Variants in LRTM1 observed in about 807,000 individuals in gnomAD.
LRTM1 encodes the protein leucine-rich repeat and transmembrane domain-containing protein 1.
LRTM1 carries 38 observed loss-of-function variants against 32.4 expected under a neutral mutation model. That is an observed-to-expected ratio of 1.17 (90% CI 0.91 to 1.54). The LOEUF (loss-of-function observed/expected upper bound fraction) is 1.54. Among genes scored for constraint, LRTM1 ranks in the 40% most tolerant of loss-of-function variants. The pLI, the probability that LRTM1 is intolerant of heterozygous loss-of-function variation, is 0.00. For missense variants in LRTM1, 466 were observed against 415.4 expected, an observed-to-expected ratio of 1.12 and a Z score of -1.06; for synonymous variants, 186 against 169.9, an observed-to-expected ratio of 1.09 and a Z score of -0.74.
At chr3:54,961,681 A>T (rs983440891) in intron 1 of LRTM1, among the ~76,000 whole-genome samples, 1 of 152,146 alleles carries the variant, frequency 6.6e-6, no homozygotes, top group Non-Finnish European at 1.5e-5. Flanking sequence ...CAGGAAGCTG[A>T]TGGCACCAGT....
chr3:54,945,035 A>G (rs1420585699), intron 1 of LRTM1, among the ~76,000 whole-genome samples: 1 of 152,162 alleles, frequency 6.6e-6, no homozygotes, highest in African/African-American at 2.4e-5. Flanking sequence ...AAACTGGAGA[A>G]TGGGGAAGAT....
intron 1 of LRTM1, among the ~76,000 whole-genome samples, chr3:54,961,631 A>C (rs1702031451): frequency 6.6e-6 from 1 of 152,148 alleles, no homozygotes; most frequent in Admixed American, 6.5e-5. Context: ...TAGCCAGGTC[A>C]TTGAGAAGTT....
chr3:54,959,962 A>T (rs1701991494), intron 1 of LRTM1, among the ~76,000 whole-genome samples: 2 of 151,932 alleles, frequency 1.3e-5, no homozygotes, highest in African/African-American at 4.8e-5. Flanking sequence ...AACCCTGCTA[A>T]TTCTTTTCAA....
chr3:54,955,313 C>G (rs1246337461), intron 1 of LRTM1, among the ~76,000 whole-genome samples: 1 of 152,102 alleles, frequency 6.6e-6, no homozygotes, highest in African/African-American at 2.4e-5. Context: ...CAGGTAATCT[C>G]TTGAAGCTAC....
chr3:54,957,448 C>T (rs1021274091), intron 1 of LRTM1, among the ~76,000 whole-genome samples: 1,856 of 152,288 alleles, frequency 0.012, 35 homozygotes, highest in African/African-American at 0.042. Context: ...CACACCCAAC[C>T]ATAAAATAAT....
At chr3:54,922,065 C>T (rs1485215394) in intron 2 of LRTM1, among the ~76,000 whole-genome samples, 2 of 152,164 alleles carry the variant, frequency 1.3e-5, no homozygotes, top group Non-Finnish European at 2.9e-5. Flanking sequence ...AAATCAATTT[C>T]TGCCTTCCTC....
chr3:54,935,398 A>T (rs1348909731), intron 1 of LRTM1, among the ~76,000 whole-genome samples: 1 of 152,298 alleles, frequency 6.6e-6, no homozygotes, highest in Non-Finnish European at 1.5e-5. Context: ...ATTAAAGGTA[A>T]TTAGTGAGCT....
At chr3:54,929,423 T>C (rs115790536), upstream of LRTM1, among the ~76,000 whole-genome samples, 1,724 of 152,304 alleles carry the variant, frequency 0.011, 34 homozygotes, top group African/African-American at 0.039. Flanking sequence ...ACCTGGCCCT[T>C]CGTGCCACTC....
intron 1 of LRTM1, among the ~76,000 whole-genome samples, chr3:54,943,053 T>C (rs1324053693): frequency 6.6e-6 from 1 of 151,606 alleles, no homozygotes. Context: ...AAACTCAAAA[T>C]TAACCATGTG....
At position 54,918,896 on chromosome 3, in the gene LRTM1, T is replaced by G. The variant is rs757228971; in HGVS notation, c.605-4A>C. On this transcript the variant is annotated splice_polypyrimidine_tract_variant and splice_region_variant and intron_variant, in intron 2 of 2. Coordinates refer to ENST00000273286, the MANE Select transcript of LRTM1 (RefSeq NM_020678.4). ...ATGATGCCGTCTGTTAGTCCCCCTT[T>G]AAAAAACAAAAGCAAAGAACAATAA... 1.3e-6 allele frequency: 2 copies of G among 1,517,536 alleles called. No homozygotes were observed. The highest frequency in any genetic ancestry group is 1.8e-6 in the Non-Finnish European group (2 of 1,132,818). 94.0% of individuals were successfully genotyped at this position (1,517,536 alleles called of 1,614,324 possible). A position where few individuals can be genotyped will look rare whatever the true frequency, so the allele number is the denominator to read the frequency against.
intron 1 of LRTM1, among the ~76,000 whole-genome samples, chr3:54,951,451 T>C (rs549853245): frequency 6.6e-6 from 1 of 152,332 alleles, no homozygotes; most frequent in African/African-American, 2.4e-5. Flanking sequence ...AACTGTTCTT[T>C]GGTGTGCGGC....
intron 1 of LRTM1, among the ~76,000 whole-genome samples, chr3:54,951,874 G>A (rs1701766413): frequency 6.6e-6 from 1 of 152,128 alleles, no homozygotes; most frequent in South Asian, 2.1e-4. Context: ...TTTTGGAGAC[G>A]GTCTCACTCC....
chr3:54,941,839 C>T (rs763800428), intron 1 of LRTM1, among the ~76,000 whole-genome samples: 5 of 152,106 alleles, frequency 3.3e-5, no homozygotes, highest in Non-Finnish European at 4.4e-5. Context: ...ATGCATTGGC[C>T]TCCTCCCTGC....
At chr3:54,934,194 A>G (rs1701273507) in intron 1 of LRTM1, among the ~76,000 whole-genome samples, 1 of 152,246 alleles carries the variant, frequency 6.6e-6, no homozygotes. Flanking sequence ...GTTTAGGACA[A>G]TATTAAGGGA....
At chr3:54,952,386 G>A (rs1305556697) in intron 1 of LRTM1, among the ~76,000 whole-genome samples, 3 of 152,258 alleles carry the variant, frequency 2.0e-5, no homozygotes, top group East Asian at 3.9e-4. Context: ...AACATGAAGG[G>A]TCTGGAGGCT....
At chr3:54,945,465 A>G (rs375274752) in intron 1 of LRTM1, among the ~76,000 whole-genome samples, 8 of 152,302 alleles carry the variant, frequency 5.3e-5, no homozygotes, top group Admixed American at 4.6e-4. Flanking sequence ...CTAGGAGCCA[A>G]TGAGTGTCTC....
intron 1 of LRTM1, among the ~76,000 whole-genome samples, chr3:54,951,065 C>T (rs1349191262): frequency 6.6e-6 from 1 of 152,168 alleles, no homozygotes; most frequent in Non-Finnish European, 1.5e-5. Flanking sequence ...AACTTGTTTT[C>T]CTATATGCTG....
chr3:54,956,654 T>C (rs940138733), intron 1 of LRTM1, among the ~76,000 whole-genome samples: 12 of 152,200 alleles, frequency 7.9e-5, no homozygotes, highest in Non-Finnish European at 1.5e-4. Flanking sequence ...TCTTTAACTC[T>C]ACCTCCAGAT....
At chr3:54,948,152 TCTC>T (rs1343138717) in intron 1 of LRTM1, among the ~76,000 whole-genome samples, 3 of 152,076 alleles carry the variant, frequency 2.0e-5, no homozygotes, top group Non-Finnish European at 2.9e-5. Flanking sequence ...TATTTCTACT[TCTC>T]CTCTCACCCC....
Sources: gnomAD v4.1 joint callset for allele counts (sites outside exome capture counted in the v4.1 genomes callset) on GRCh38, gnomAD v4.1.1 for gene constraint, MANE v1.5 for transcripts, NCBI Gene and HGNC (gene_info 2026-07-23, HGNC 2026-07-21) for gene names.